The following CENPI variants were observed in gnomAD, a reference collection of about 807,000 sequenced individuals.
CENPI encodes FSH primary response 1.
Under a neutral mutation model 60.4 loss-of-function variants are expected in CENPI, and 4 were observed. That is an observed-to-expected ratio of 0.07 (90% confidence interval 0.03 to 0.15). The LOEUF (loss-of-function observed/expected upper bound fraction) is 0.15, where lower values mean the gene tolerates loss of function less well. Ranked by LOEUF, CENPI falls within the 10% of genes least tolerant of loss-of-function variation. The pLI, the probability that CENPI is intolerant of heterozygous loss-of-function variation, is 1.00. For missense variants in CENPI, 444 were observed against 534.5 expected (o/e 0.83, Z 1.67); for synonymous variants, 157 against 189.4 (o/e 0.83, Z 1.40).
chrX:101,124,629 A>G (rs892038812), intron 8 of CENPI, among the ~76,000 whole-genome samples: 17 of 110,791 alleles, frequency 1.5e-4, no homozygotes, highest in Non-Finnish European at 3.2e-4. Context: ...GAGGGACCCA[A>G]TGGGAGGTAG....
downstream of CENPI, among the ~76,000 whole-genome samples, chrX:101,166,214 G>A (rs775064439): frequency 9.0e-5 from 10 of 110,804 alleles, no homozygotes; most frequent in Admixed American, 4.8e-4. Context: ...GGAGTGCAGC[G>A]GCCTGATCTC....
At chrX:101,155,442 G>A (rs773939280) in intron 20 of CENPI, among the ~76,000 whole-genome samples, 4 of 111,422 alleles carry the variant, frequency 3.6e-5, no homozygotes, top group East Asian at 5.6e-4. Context: ...CGCCCACCTC[G>A]GCCTCCCAAA....
chrX:101,148,853 T>C (rs769197589), intron 20 of CENPI, among the ~76,000 whole-genome samples: 1 of 111,125 alleles, frequency 9.0e-6, no homozygotes, highest in Non-Finnish European at 1.9e-5. Flanking sequence ...GAAAAAAAAG[T>C]GTGCAGGGTG....
At chrX:101,128,653 A>G in intron 11 of CENPI, 63 bp from the exon 12 acceptor site, 1 of 1,141,811 alleles carries the variant, frequency 8.8e-7, no homozygotes. Flanking sequence ...TATTTTCTAT[A>G]TGACGATTCC....
intron 6 of CENPI, among the ~76,000 whole-genome samples, chrX:101,114,551 A>G (rs2089595523): frequency 8.9e-6 from 1 of 112,428 alleles, no homozygotes; most frequent in Non-Finnish European, 1.9e-5. Flanking sequence ...CATTTTATAT[A>G]AATGAACTCA....
At chrX:101,140,107 A>T (rs2089901083) in intron 15 of CENPI, among the ~76,000 whole-genome samples, 1 of 112,139 alleles carries the variant, frequency 8.9e-6, no homozygotes, top group Non-Finnish European at 1.9e-5. Context: ...AAGTGCTGGG[A>T]TTACAGGCGT....
chrX:101,166,862 C>T (rs772607361), downstream of CENPI, among the ~76,000 whole-genome samples: 127 of 112,126 alleles, frequency 1.1e-3, no homozygotes, highest in African/African-American at 3.9e-3. Context: ...CTGGTTCAAG[C>T]GATTCTCCTG....
intron 4 of CENPI, among the ~76,000 whole-genome samples, chrX:101,103,676 A>G (rs962388837): frequency 6.2e-5 from 7 of 112,096 alleles, no homozygotes; most frequent in Non-Finnish European, 1.3e-4. Context: ...GTTCATTGGA[A>G]TTAGTTGCAG....
chrX:101,116,946 C>T (rs1285227462), intron 6 of CENPI, among the ~76,000 whole-genome samples: 8 of 111,253 alleles, frequency 7.2e-5, no homozygotes, highest in African/African-American at 2.6e-4. Flanking sequence ...TGATATTGAG[C>T]AACTTTTCAT....
chrX:101,129,958 T>C (rs769777170), intron 12 of CENPI, 24 bp from the exon 13 acceptor site: 3 of 1,031,712 alleles, frequency 2.9e-6, no homozygotes, highest in East Asian at 6.1e-5. Context: ...AACTAGATGC[T>C]TATATTTACT....
intron 6 of CENPI, among the ~76,000 whole-genome samples, chrX:101,119,997 A>G (rs1184824467): frequency 1.3e-4 from 14 of 111,681 alleles, no homozygotes; most frequent in Admixed American, 1.2e-3. Context: ...TCCACCAACT[A>G]ACAATACACA....
chrX:101,135,504 T>C (rs1384549795), intron 15 of CENPI, among the ~76,000 whole-genome samples: 2 of 112,092 alleles, frequency 1.8e-5, no homozygotes, highest in African/African-American at 3.2e-5. Flanking sequence ...AAGATACCTT[T>C]TGTGTTGTGT....
Position 101,164,193 on chromosome X carries a change from C to T in CENPI, c.*1226C>T, listed in dbSNP as rs772968663. ...AACCCTAAACTATATTATTGGATGG[C>T]GTTCAGACTAGAAATCCCACTCGTC... On this transcript the variant is annotated 3_prime_UTR_variant, in exon 22 of 22. Coordinates refer to ENST00000682095, the MANE Select transcript of CENPI (RefSeq NM_001386188.2). Among the ~76,000 whole-genome samples, 1 of 110,746 alleles carries T rather than the reference C, an allele frequency of 9.0e-6. No individual in the cohort carries two copies. Among genetic ancestry groups the T allele is most frequent in the Non-Finnish European group, 1.9e-5 (1 of 52,979 alleles).
intron 8 of CENPI, among the ~76,000 whole-genome samples, chrX:101,125,596 C>T (rs1373327847): frequency 9.0e-6 from 1 of 110,925 alleles, no homozygotes; most frequent in Non-Finnish European, 1.9e-5. Flanking sequence ...TGGGGTTTCA[C>T]CATGTTGGCC....
intron 20 of CENPI, among the ~76,000 whole-genome samples, chrX:101,154,141 G>A (rs1393900581): frequency 8.9e-6 from 1 of 111,855 alleles, no homozygotes; most frequent in African/African-American, 3.2e-5. Context: ...GTCTTGATCC[G>A]TATAGCTTTG....
At position 101,140,125 on chromosome X, in the gene CENPI, C is replaced by T. The variant is rs758459051; in HGVS notation, c.1471-541C>T. The stretch of plus-strand genomic sequence containing the variant: ...TGCTGGGATTACAGGCGTGAGCCAC[C>T]GCACCCAGCCCATCATTGTATGTTT... On this transcript the variant is annotated intron_variant, in intron 15 of 21. Coordinates refer to ENST00000682095, the MANE Select transcript of CENPI (RefSeq NM_001386188.2). Among the ~76,000 whole-genome samples, 8 of 112,253 alleles carry T rather than the reference C, an allele frequency of 7.1e-5. No homozygotes were observed. The East Asian group carries it at 1.1e-3, about 16-fold the overall frequency.
chrX:101,106,742 G>C (rs1046350018), intron 4 of CENPI, among the ~76,000 whole-genome samples: 9 of 110,864 alleles, frequency 8.1e-5, no homozygotes. Flanking sequence ...GTGTAGAATG[G>C]TATTACTGCC....
intron 18 of CENPI, among the ~76,000 whole-genome samples, chrX:101,147,033 G>A (rs1015285661): frequency 1.8e-5 from 2 of 112,112 alleles, no homozygotes; most frequent in African/African-American, 6.5e-5. Context: ...ACCATGCTCA[G>A]CTTAGTGTAG....
chrX:101,148,707 G>A (rs978786797), intron 20 of CENPI, among the ~76,000 whole-genome samples: 11 of 111,938 alleles, frequency 9.8e-5, no homozygotes, highest in African/African-American at 2.9e-4. Flanking sequence ...TTATGTGTGT[G>A]TGACATGGAG....
Sources: gnomAD v4.1 joint callset for allele counts (sites outside exome capture counted in the v4.1 genomes callset) on GRCh38, gnomAD v4.1.1 for gene constraint, MANE v1.5 for transcripts, NCBI Gene and HGNC (gene_info 2026-07-23, HGNC 2026-07-21) for gene names.